TRIM5: variants seen among roughly 807,000 people sequenced by gnomAD.
The protein encoded by TRIM5 is tripartite motif-containing protein 5.
Under a neutral mutation model 35.6 loss-of-function variants are expected in TRIM5, and 31 were observed. The ratio of observed to expected loss-of-function variants is 0.87; its 90% CI spans 0.65 to 1.18. The LOEUF is 1.18. TRIM5 is among the 50% of genes most tolerant of loss of function. The probability of loss-of-function intolerance (pLI) is 0.00; values close to 1 mark genes in which losing one functional copy is unlikely to be tolerated. For missense variants in TRIM5, 609 were observed against 591.6 expected (o/e 1.03, Z -0.31); for synonymous variants, 243 against 215.6 (o/e 1.13, Z -1.11).
the TRIM5 span, chr11:5,613,056 T>C: frequency 6.6e-6 from 1 of 152,206 alleles, no homozygotes; most frequent in African/African-American, 2.4e-5. Context: ...GATCCTATAA[T>C]GAAATTTCTG....
chr11:5,634,492 TACAC>T, the TRIM5 span: 18,939 of 226,440 alleles, frequency 0.084, 485 homozygotes, highest in Non-Finnish European at 0.092. Flanking sequence ...ATAATATAAA[TACAC>T]ACACACACAC....
At chr11:5,642,167 A>T in the TRIM5 span, among the ~76,000 whole-genome samples, 4 of 152,320 alleles carry the variant, frequency 2.6e-5, no homozygotes, top group African/African-American at 9.6e-5. Context: ...ATTTTTAAGG[A>T]AGAAACTGTG....
intron 4 of TRIM5, among the ~76,000 whole-genome samples, chr11:5,673,339 A>G (rs570701666): frequency 9.9e-5 from 15 of 152,264 alleles, no homozygotes; most frequent in Middle Eastern, 3.4e-3. Context: ...TAACAGGAAT[A>G]TTTCATAATG....
chr11:5,670,217 A>G (rs541708857), intron 4 of TRIM5, among the ~76,000 whole-genome samples: 7 of 110,194 alleles, frequency 6.4e-5, no homozygotes, highest in East Asian at 5.6e-4. Flanking sequence ...TCACTCTGTC[A>G]CCCAGGCTGG....
At chr11:5,634,652 C>A in the TRIM5 span, 1 of 1,613,172 alleles carries the variant, frequency 6.2e-7, no homozygotes, top group South Asian at 1.1e-5. Context: ...AACTGAGAGA[C>A]AAAGGATACA....
the TRIM5 span, among the ~76,000 whole-genome samples, chr11:5,646,408 GACC>G: frequency 6.6e-6 from 1 of 152,098 alleles, no homozygotes; most frequent in African/African-American, 2.4e-5. Context: ...CATCAAATAT[GACC>G]ACATCATCAG....
intron 1 of TRIM5, among the ~76,000 whole-genome samples, chr11:5,682,527 C>T (rs1451576552): frequency 8.5e-5 from 13 of 152,076 alleles, no homozygotes; most frequent in Admixed American, 8.5e-4. Flanking sequence ...TTTCTTTATT[C>T]CCTTTATGTA....
chr11:5,683,060 GC>G (rs1437522896), intron 1 of TRIM5, among the ~76,000 whole-genome samples: 2 of 152,222 alleles, frequency 1.3e-5, no homozygotes, highest in African/African-American at 4.8e-5. Context: ...CGGCCCCGCT[GC>G]CCCGGGCAGT....
the TRIM5 span, among the ~76,000 whole-genome samples, chr11:5,646,122 C>T: frequency 6.4e-4 from 95 of 149,030 alleles, no homozygotes; most frequent in African/African-American, 2.0e-3. Context: ...CATATACACA[C>T]GTACACACAC....
chr11:5,604,334 G>C, the TRIM5 span, among the ~76,000 whole-genome samples: 2 of 152,274 alleles, frequency 1.3e-5, no homozygotes, highest in East Asian at 3.9e-4. Flanking sequence ...CTTCCCAAGG[G>C]GGATGGAGAA....
the TRIM5 span, among the ~76,000 whole-genome samples, chr11:5,598,288 T>C: frequency 1.3e-5 from 2 of 152,206 alleles, no homozygotes; most frequent in African/African-American, 4.8e-5. Context: ...TCACCTATGC[T>C]AACTGTATGC....
chr11:5,603,610 C>A, the TRIM5 span: 3 of 1,613,498 alleles, frequency 1.9e-6, no homozygotes. Flanking sequence ...TTGTGCAGAC[C>A]ATGGAGAAAA....
chr11:5,659,444 T>C (rs2133996767), downstream of TRIM5, among the ~76,000 whole-genome samples: 1 of 152,314 alleles, frequency 6.6e-6, no homozygotes, highest in Admixed American at 6.5e-5. Context: ...AGGTGTCAAG[T>C]TGTTCTGGGT....
Position 5,664,155 on chromosome 11 carries a change from C to T in TRIM5, c.*654G>A, listed in dbSNP as rs55654878. On this transcript the variant is annotated 3_prime_UTR_variant, in exon 8 of 8. Transcript: ENST00000380034. ...GGTGGAGGTTGCAGTGAACCGAGAT[C>T]GTGCCATTGCACTCCAGCCTGGGGA... is the stretch of plus-strand genomic sequence containing the variant. The T allele has an allele frequency of 7.1e-3, 5,055 of 714,974 alleles. 59 individuals are homozygous for T. Among genetic ancestry groups the T allele is most frequent in the African/African-American group, 0.037 (1,812 of 48,702 alleles). The allele number at this position is 714,974 out of a possible 1,614,324, so 44.3% of individuals were successfully genotyped here.
chr11:5,608,352 CCTGT>C, the TRIM5 span: 9 of 1,613,206 alleles, frequency 5.6e-6, no homozygotes, highest in East Asian at 4.5e-5. Context: ...CTTGACTTAA[CCTGT>C]CTTTTTCCTT....
chr11:5,592,438 T>C, the TRIM5 span, among the ~76,000 whole-genome samples: 314 of 152,220 alleles, frequency 2.1e-3, 7 homozygotes, highest in East Asian at 0.053. Flanking sequence ...TTGCCCCAAA[T>C]CATACAGATG....
At chr11:5,603,828 T>C in the TRIM5 span, 1 of 1,494,062 alleles carries the variant, frequency 6.7e-7, no homozygotes, top group African/African-American at 1.4e-5. Context: ...CTTTGTAGTC[T>C]TTATTTACCT....
At chr11:5,643,200 C>G in the TRIM5 span, 1 of 1,608,456 alleles carries the variant, frequency 6.2e-7, no homozygotes. Context: ...TTCAGAAGAT[C>G]AGAGACAAGT....
the TRIM5 span, among the ~76,000 whole-genome samples, chr11:5,604,173 T>C: frequency 1.5e-5 from 2 of 132,922 alleles, no homozygotes; most frequent in African/African-American, 5.1e-5. Flanking sequence ...TGTGTGTGTG[T>C]GTGCGTGTGT....
Sources: allele counts gnomAD v4.1 joint callset (sites outside exome capture counted in the v4.1 genomes callset), GRCh38; gene constraint gnomAD v4.1.1; transcripts MANE v1.5; gene names NCBI Gene and HGNC (gene_info 2026-07-23, HGNC 2026-07-21).